CSMD3: variants seen among roughly 807,000 people sequenced by gnomAD.
The protein encoded by CSMD3 is CUB and sushi domain-containing protein 3.
In CSMD3, 177 loss-of-function variants were observed where a neutral mutation model predicts 435.2. The observed-to-expected ratio is 0.41, with a 90% CI of 0.36 to 0.46. CSMD3 has a LOEUF of 0.46. CSMD3 is among the 20% of genes least tolerant of loss of function. The probability of loss-of-function intolerance (pLI) is 0.34; values close to 1 mark genes in which losing one functional copy is unlikely to be tolerated. For synonymous variants in CSMD3, 1,656 were observed against 1,520.5 expected, an observed-to-expected ratio of 1.09 and a Z score of -2.07; for missense variants, 4,265 against 4,504.6, an observed-to-expected ratio of 0.95 and a Z score of 1.52.
intron 50 of CSMD3, among the ~76,000 whole-genome samples, chr8:112,306,465 T>C (rs975546651): frequency 2.0e-5 from 3 of 152,192 alleles, no homozygotes; most frequent in African/African-American, 7.2e-5. Context: ...ATCATGTGCA[T>C]GGTTATCAGC....
At chr8:112,237,710 C>G (rs1050096510) in intron 66 of CSMD3, among the ~76,000 whole-genome samples, 3 of 152,048 alleles carry the variant, frequency 2.0e-5, no homozygotes, top group African/African-American at 7.2e-5. Flanking sequence ...GGCAGTAAAA[C>G]TATACCCAAG....
chr8:112,598,975 C>T (rs368097993), intron 22 of CSMD3, among the ~76,000 whole-genome samples: 13 of 149,622 alleles, frequency 8.7e-5, no homozygotes, highest in African/African-American at 2.7e-4. Flanking sequence ...ACTTCATGTC[C>T]AAAACACCAA....
intron 38 of CSMD3, among the ~76,000 whole-genome samples, chr8:112,368,919 T>A (rs988824062): frequency 1.3e-5 from 2 of 152,198 alleles, no homozygotes; most frequent in Non-Finnish European, 2.9e-5. Context: ...AGCAATGTGC[T>A]TGACATATAC....
chr8:113,263,451 A>G (rs996100618), intron 3 of CSMD3, among the ~76,000 whole-genome samples: 2 of 151,936 alleles, frequency 1.3e-5, no homozygotes, highest in Admixed American at 6.6e-5. Flanking sequence ...AAAACATCAT[A>G]TCCTTCAAAA....
At chr8:112,980,386 CTTTAA>C (rs1268118999) in intron 6 of CSMD3, among the ~76,000 whole-genome samples, 1 of 151,180 alleles carries the variant, frequency 6.6e-6, no homozygotes, top group African/African-American at 2.4e-5. Flanking sequence ...CTGTTCCTTC[CTTTAA>C]TTTTAGTGTT....
Position 112,265,625 on chromosome 8 carries a change from T to A in CSMD3, c.9509-35A>T, listed in dbSNP as rs201518090. 59 of 1,481,094 alleles carry A rather than the reference T, an allele frequency of 4.0e-5. No individual in the cohort carries two copies. The East Asian group carries it at 1.3e-3, about 33-fold the overall frequency. The allele number at this position is 1,481,094 out of a possible 1,614,324, so 91.7% of individuals were successfully genotyped here. The stretch of plus-strand genomic sequence containing the variant: ...TTGGATTAGAAGAGCAGATGGTTAA[T>A]GAGGCATGTATTTAATGGAGAGGAG... On this transcript the variant is annotated intron_variant, in intron 59 of 70. Transcript: ENST00000297405.
chr8:112,545,248 C>T (rs1468942337), intron 27 of CSMD3, among the ~76,000 whole-genome samples: 1 of 152,064 alleles, frequency 6.6e-6, no homozygotes, highest in East Asian at 1.9e-4. Context: ...CTTGGGGGTG[C>T]TGAGGCGGGC....
intron 6 of CSMD3, among the ~76,000 whole-genome samples, chr8:112,986,947 TGAG>T (rs1458897875): frequency 2.0e-5 from 3 of 152,084 alleles, no homozygotes; most frequent in Non-Finnish European, 4.4e-5. Context: ...ATAGTTTCTA[TGAG>T]TTTCCCTCAT....
At chr8:112,851,980 T>C (rs2080502928) in intron 11 of CSMD3, among the ~76,000 whole-genome samples, 1 of 151,968 alleles carries the variant, frequency 6.6e-6, no homozygotes, top group African/African-American at 2.4e-5. Flanking sequence ...TTTGGGAAGA[T>C]TGGTTCAGGG....
chr8:112,274,476 C>T (rs112271026), intron 59 of CSMD3, among the ~76,000 whole-genome samples: 7 of 152,034 alleles, frequency 4.6e-5, no homozygotes, highest in East Asian at 1.9e-4. Flanking sequence ...GTACCAGAGT[C>T]GACATTGACA....
At chr8:112,601,047 T>C (rs1832310794) in intron 22 of CSMD3, among the ~76,000 whole-genome samples, 1 of 152,046 alleles carries the variant, frequency 6.6e-6, no homozygotes, top group Admixed American at 6.6e-5. Context: ...GAGGTAGGAA[T>C]ACTAAGAAAA....
chr8:113,090,346 CTTA>C (rs1414033046), intron 5 of CSMD3, among the ~76,000 whole-genome samples: 4 of 151,814 alleles, frequency 2.6e-5, no homozygotes, highest in Non-Finnish European at 4.4e-5. Context: ...AGAAAATTGT[CTTA>C]TTAAGATGAA....
At chr8:113,384,408 C>CA (rs2133119350) in intron 1 of CSMD3, among the ~76,000 whole-genome samples, 1 of 151,878 alleles carries the variant, frequency 6.6e-6, no homozygotes, top group East Asian at 1.9e-4. Flanking sequence ...GACAGGAAGA[C>CA]AAAAAACATA....
intron 37 of CSMD3, among the ~76,000 whole-genome samples, chr8:112,381,911 T>C (rs186041175): frequency 9.8e-5 from 15 of 152,292 alleles, no homozygotes; most frequent in Admixed American, 9.8e-4. Flanking sequence ...CACACAGAGC[T>C]AGCACTTAGT....
chr8:113,298,982 T>A (rs528288237), intron 2 of CSMD3, among the ~76,000 whole-genome samples: 1 of 152,310 alleles, frequency 6.6e-6, no homozygotes, highest in Non-Finnish European at 1.5e-5. Flanking sequence ...GAATACATAT[T>A]AATTTTTATA....
chr8:112,390,138 T>C (rs1037042364), intron 36 of CSMD3, among the ~76,000 whole-genome samples: 1 of 152,226 alleles, frequency 6.6e-6, no homozygotes, highest in African/African-American at 2.4e-5. Context: ...ACGGATATGA[T>C]TGCAATCTTG....
At chr8:113,210,436 AAC>A (rs1696820386) in intron 3 of CSMD3, among the ~76,000 whole-genome samples, 1 of 147,882 alleles carries the variant, frequency 6.8e-6, no homozygotes. Flanking sequence ...TCATTCCTCA[AAC>A]AACATTAAAT....
chr8:112,989,097 G>C (rs1421836538), intron 6 of CSMD3, among the ~76,000 whole-genome samples: 2 of 152,028 alleles, frequency 1.3e-5, no homozygotes, highest in African/African-American at 2.4e-5. Flanking sequence ...GAACAGTACA[G>C]ACACTGTGTT....
chr8:112,258,687 A>T (rs906171789), intron 61 of CSMD3, among the ~76,000 whole-genome samples: 6 of 152,210 alleles, frequency 3.9e-5, no homozygotes, highest in African/African-American at 1.4e-4. Context: ...TGGGAATGTA[A>T]ATTAGTTCAA....
Sources: gnomAD v4.1 joint callset for allele counts (sites outside exome capture counted in the v4.1 genomes callset) on GRCh38, gnomAD v4.1.1 for gene constraint, MANE v1.5 for transcripts, NCBI Gene and HGNC (gene_info 2026-07-23, HGNC 2026-07-21) for gene names.